Variants in EXOC6B observed in about 807,000 individuals in gnomAD.
EXOC6B encodes exocyst complex component 6B.
EXOC6B carries 54 observed loss-of-function variants against 113.5 expected under a neutral mutation model. The ratio of observed to expected loss-of-function variants is 0.48; its 90% CI spans 0.38 to 0.60. The LOEUF is 0.60. Ranked by LOEUF, EXOC6B falls within the 20% of genes least tolerant of loss-of-function variation. The pLI, the probability that EXOC6B is intolerant of heterozygous loss-of-function variation, is 0.00. For synonymous variants in EXOC6B, 357 were observed against 339.0 expected, an observed-to-expected ratio of 1.05 and a Z score of -0.58; for missense variants, 797 against 977.5, an observed-to-expected ratio of 0.82 and a Z score of 2.46.
chr2:72,422,218 G>A (rs974442304), intron 18 of EXOC6B, among the ~76,000 whole-genome samples: 31 of 152,222 alleles, frequency 2.0e-4, no homozygotes, highest in African/African-American at 5.8e-4. Context: ...GCAAGCACCC[G>A]GCGCGGGACT....
intron 6 of EXOC6B, among the ~76,000 whole-genome samples, chr2:72,675,750 C>G (rs1676252065): frequency 1.3e-5 from 2 of 151,716 alleles, no homozygotes; most frequent in South Asian, 4.2e-4. Context: ...GCCAAGATCA[C>G]ACCACTGCAC....
chr2:72,810,008 CTT>C (rs1205599273), intron 1 of EXOC6B, among the ~76,000 whole-genome samples: 4 of 152,132 alleles, frequency 2.6e-5, no homozygotes, highest in African/African-American at 9.7e-5. Flanking sequence ...ATAACACAAA[CTT>C]TAACAAATTT....
At chr2:72,512,775 A>C (rs1701009414) in intron 11 of EXOC6B, among the ~76,000 whole-genome samples, 1 of 152,002 alleles carries the variant, frequency 6.6e-6, no homozygotes, top group Non-Finnish European at 1.5e-5. Flanking sequence ...TCTCAGGTTC[A>C]ATTTCCCAGA....
chr2:72,262,685 G>A (rs1286661437), intron 20 of EXOC6B, among the ~76,000 whole-genome samples: 2 of 151,656 alleles, frequency 1.3e-5, no homozygotes, highest in East Asian at 3.9e-4. Context: ...AGAGCACTGA[G>A]CAAAACAGCA....
intron 6 of EXOC6B, among the ~76,000 whole-genome samples, chr2:72,632,183 G>A (rs1422110910): frequency 2.0e-5 from 3 of 152,054 alleles, no homozygotes; most frequent in Admixed American, 6.6e-5. Context: ...ATTCACAAAG[G>A]AGGAATAGAC....
At position 72,674,489 on chromosome 2, in the gene EXOC6B, AC is replaced by A. The variant is rs376947011; in HGVS notation, c.669+43613del. On this transcript the variant is annotated intron_variant, in intron 6 of 21. Transcript: ENST00000272427. ...GATGCATTTCTACATATTTTCATTTACTACAATCATTTATGTCTATCGAGTG... is the reference window on the plus strand; with the variant it reads ...GATGCATTTCTACATATTTTCATTTATACAATCATTTATGTCTATCGAGTG... Among the ~76,000 whole-genome samples the A allele has an allele frequency of 3.3e-4, 51 of 152,348 alleles. No individual in the cohort carries two copies. The East Asian group carries it at 8.5e-3, about 25-fold the overall frequency.
intron 2 of EXOC6B, among the ~76,000 whole-genome samples, 187 bp from the exon 3 acceptor site, chr2:72,733,305 G>A (rs1680755484): frequency 6.6e-6 from 1 of 152,090 alleles, no homozygotes; most frequent in African/African-American, 2.4e-5. Flanking sequence ...ATGTTTGCAT[G>A]ACCTTTTGAA....
intron 18 of EXOC6B, chr2:72,462,209 T>C (rs1180388619): frequency 6.6e-6 from 1 of 152,188 alleles, no homozygotes; most frequent in Non-Finnish European, 1.5e-5. Context: ...AGAAAAATTA[T>C]ATCTATGTCC....
At chr2:72,595,863 C>T (rs1341273562) in intron 6 of EXOC6B, among the ~76,000 whole-genome samples, 1 of 152,106 alleles carries the variant, frequency 6.6e-6, no homozygotes, top group Non-Finnish European at 1.5e-5. Context: ...AAAAATGTTT[C>T]AAGTTCTCAA....
chr2:72,778,901 T>A (rs536975157), intron 1 of EXOC6B, among the ~76,000 whole-genome samples: 11 of 152,210 alleles, frequency 7.2e-5, no homozygotes, highest in East Asian at 1.9e-4. Flanking sequence ...TTAGTTTTTT[T>A]AAAAAAGCAG....
chr2:72,665,322 T>C (rs12617074), intron 6 of EXOC6B, among the ~76,000 whole-genome samples: 96,077 of 151,862 alleles, frequency 0.63, 35,387 homozygotes, highest in East Asian at 0.99. Context: ...ACTCAAGAGG[T>C]TGACATGCAA....
chr2:72,432,708 G>C (rs1228934284), intron 18 of EXOC6B, among the ~76,000 whole-genome samples: 1 of 152,114 alleles, frequency 6.6e-6, no homozygotes, highest in Non-Finnish European at 1.5e-5. Flanking sequence ...GTTTCTTGGA[G>C]GCATAAGTGT....
chr2:72,476,250 A>G (rs1400529222), intron 17 of EXOC6B, among the ~76,000 whole-genome samples: 1 of 152,210 alleles, frequency 6.6e-6, no homozygotes, highest in Non-Finnish European at 1.5e-5. Context: ...CCTCGTATTA[A>G]GGAGTCTCCC....
chr2:72,495,537 T>G lies in EXOC6B; in HGVS notation c.1446A>C (p.Gln482His), dbSNP rs1699991117. Reference sequence around the variant, plus strand: ...AGAAAGGAAACTTTTTTGGAAATGGTTGCTGTAAATGCAAGAAGTAATGAA... The same window carrying G: ...AGAAAGGAAACTTTTTTGGAAATGGGTGCTGTAAATGCAAGAAGTAATGAA... ...FPFQDIELEK[Q>H]PFPKKFPFSE... is the part of the protein sequence containing the mutation. The change falls in exon 15 of 22, where the codon CAA becomes CAC. Residue 482 changes from glutamine to histidine, a missense_variant and splice_region_variant. By Grantham distance (24) the Gln-to-His change is conservative. Transcript: ENST00000272427. 1.9e-5 allele frequency: 30 copies of G among 1,548,242 alleles called. No individual in the cohort carries two copies. Among genetic ancestry groups the G allele is most frequent in the Non-Finnish European group, 2.7e-5 (30 of 1,124,304 alleles).
chr2:72,484,429 T>C (rs1200798248), intron 16 of EXOC6B, among the ~76,000 whole-genome samples: 1 of 150,344 alleles, frequency 6.7e-6, no homozygotes, highest in Admixed American at 6.6e-5. Context: ...CAGCTGGGCA[T>C]GGTGGAGGGC....
intron 6 of EXOC6B, among the ~76,000 whole-genome samples, chr2:72,706,295 TGAAAG>T (rs1678872629): frequency 1.3e-5 from 2 of 152,060 alleles, no homozygotes; most frequent in African/African-American, 4.8e-5. Context: ...AAAAACCAGC[TGAAAG>T]GTGTGTGTGT....
At chr2:72,479,778 C>T (rs1222420063) in intron 17 of EXOC6B, among the ~76,000 whole-genome samples, 2 of 152,136 alleles carry the variant, frequency 1.3e-5, no homozygotes, top group African/African-American at 4.8e-5. Flanking sequence ...TTCTTTTGTT[C>T]TACATGACTG....
At chr2:72,700,860 A>G (rs1678276445) in intron 6 of EXOC6B, among the ~76,000 whole-genome samples, 1 of 152,074 alleles carries the variant, frequency 6.6e-6, no homozygotes, top group South Asian at 2.1e-4. Context: ...CTGAGGCAAG[A>G]GAATCGCTTG....
At chr2:72,610,267 T>A (rs908281883) in intron 6 of EXOC6B, among the ~76,000 whole-genome samples, 1 of 152,174 alleles carries the variant, frequency 6.6e-6, no homozygotes, top group Non-Finnish European at 1.5e-5. Context: ...TAGGTTGGCA[T>A]AACATAAATT....
Sources: gnomAD v4.1 joint callset for allele counts (sites outside exome capture counted in the v4.1 genomes callset) on GRCh38, gnomAD v4.1.1 for gene constraint, MANE v1.5 for transcripts, NCBI Gene and HGNC (gene_info 2026-07-23, HGNC 2026-07-21) for gene names.